The following PCID2 variants were observed in gnomAD, a reference collection of about 807,000 sequenced individuals.
PCID2 encodes PCI domain containing 2.
PCID2 carries 41 observed loss-of-function variants against 61.3 expected under a neutral mutation model. That is an observed-to-expected ratio of 0.67 (90% CI 0.52 to 0.87). The LOEUF is 0.87. Among genes scored for constraint, PCID2 ranks in the 40% least tolerant of loss-of-function variants. The pLI is 0.00. For synonymous variants in PCID2, 187 were observed against 177.8 expected, an observed-to-expected ratio of 1.05 and a Z score of -0.41; for missense variants, 392 against 493.4, an observed-to-expected ratio of 0.79 and a Z score of 1.95.
At chr13:113,197,290 C>G (rs2039088273) in intron 3 of PCID2, 47 bp from the exon 4 acceptor site, 2 of 1,351,020 alleles carry the variant, frequency 1.5e-6, no homozygotes, top group Non-Finnish European at 2.1e-6. Context: ...AAACCTAGCA[C>G]TAGTTATGCA....
intron 7 of PCID2, among the ~76,000 whole-genome samples, chr13:113,189,113 G>A (rs9549353): frequency 0.18 from 27,867 of 151,856 alleles, 3,033 homozygotes; most frequent in South Asian, 0.41. Context: ...TCCTGTGAGC[G>A]TTCCCAGACA....
intron 6 of PCID2, among the ~76,000 whole-genome samples, chr13:113,192,681 T>C (rs577369096): frequency 6.6e-6 from 1 of 152,280 alleles, no homozygotes; most frequent in African/African-American, 2.4e-5. Flanking sequence ...ATGAGGCCCC[T>C]GGAGATGTTA....
chr13:113,208,584 C>T lies in PCID2; in HGVS notation c.36+15G>A, dbSNP rs547326301. 48 of 1,607,336 alleles carry T rather than the reference C, an allele frequency of 3.0e-5. No homozygotes were observed. In the African/African-American group the frequency reaches 3.1e-4, roughly 10 times the overall value. On this transcript the variant is annotated intron_variant, in intron 1 of 13. Coordinates refer to ENST00000337344, the MANE Select transcript of PCID2 (RefSeq NM_001127202.4). ...GGCCAACCACGCCGCCGCGCGCTCC[C>T]CGGCTAGGACCCACCTGCTGCAGGT...
Position 113,195,042 on chromosome 13 carries a change from AAAT to A in PCID2, c.363+26_363+28del, listed in dbSNP as rs767289522. On this transcript the variant is annotated intron_variant, in intron 6 of 13. Coordinates refer to ENST00000337344, the MANE Select transcript of PCID2 (RefSeq NM_001127202.4). ...AGATAGTCACCAAGTTTTAGTTTTA[AAAT>A]AATAATGACAGCAAATTAAACTTAC... is the stretch of plus-strand genomic sequence containing the variant. The A allele has an allele frequency of 4.0e-6, 6 of 1,501,260 alleles. No individual in the cohort carries two copies. The South Asian group carries it at 4.5e-5, about 11-fold the overall frequency. The allele number at this position is 1,501,260 out of a possible 1,614,324, so 93.0% of individuals were successfully genotyped here. A position where few individuals can be genotyped will look rare whatever the true frequency, so the allele number is the denominator to read the frequency against.
chr13:113,206,388 T>G (rs568578621), intron 1 of PCID2, among the ~76,000 whole-genome samples: 1 of 152,292 alleles, frequency 6.6e-6, no homozygotes, highest in African/African-American at 2.4e-5. Flanking sequence ...AACCAGTACC[T>G]GCAGCAGGGC....
the PCID2 span, chr13:113,170,527 A>G: frequency 6.5e-7 from 1 of 1,532,936 alleles, no homozygotes; most frequent in Non-Finnish European, 9.0e-7. Context: ...TACTGTAAAA[A>G]CATGTAAGTA....
At chr13:113,196,439 C>T (rs991963015) in intron 4 of PCID2, among the ~76,000 whole-genome samples, 2 of 152,210 alleles carry the variant, frequency 1.3e-5, no homozygotes, top group African/African-American at 2.4e-5. Flanking sequence ...TTATTTCATA[C>T]ACACTGTCTC....
rs1044298627 is a variant in PCID2 at position 113,192,915 on chromosome 13, G to A, written c.364-1940C>T. Among the ~76,000 whole-genome samples the A allele has an allele frequency of 2.0e-5, 3 of 152,254 alleles. No homozygotes were observed. In the South Asian group the frequency reaches 6.2e-4, roughly 32 times the overall value. ...TCATGAAGGTGAAGCTGTCATGAAT[G>A]GGAAAGAGAGATCCCTTGCCCCATC... On this transcript the variant is annotated intron_variant, in intron 6 of 13. Transcript: ENST00000337344.
chr13:113,200,594 G>T, intron 1 of PCID2, 78 bp from the exon 2 acceptor site: 1 of 896,290 alleles, frequency 1.1e-6, no homozygotes, highest in Non-Finnish European at 1.8e-6. Context: ...TACACTGAAT[G>T]CCACACAGGG....
intron 6 of PCID2, among the ~76,000 whole-genome samples, chr13:113,194,728 G>C (rs967485541): frequency 6.6e-6 from 1 of 152,124 alleles, no homozygotes; most frequent in East Asian, 1.9e-4. Flanking sequence ...ATTCTTTTTG[G>C]TGGGGGAGCA....
chr13:113,171,957 T>G, the PCID2 span: 1 of 1,613,516 alleles, frequency 6.2e-7, no homozygotes, highest in Non-Finnish European at 8.5e-7. This position sits in a 1 kb window ranked among gnomAD's most constrained non-coding sequence, Gnocchi z 5.1. Context: ...ATGCACTGGA[T>G]GGATGGAAGT....
intron 1 of PCID2, among the ~76,000 whole-genome samples, chr13:113,204,595 C>T (rs757896947): frequency 2.0e-5 from 3 of 152,148 alleles, no homozygotes; most frequent in African/African-American, 4.8e-5. Flanking sequence ...CAGTGTCCCA[C>T]GGGTGACCTG....
chr13:113,176,369 C>T (rs574196472), downstream of PCID2, among the ~76,000 whole-genome samples: 1 of 13,024 alleles, frequency 7.7e-5, no homozygotes, highest in South Asian at 7.7e-3. Context: ...AAGTCCTAGC[C>T]CCAGTGTGAC....
intron 9 of PCID2, among the ~76,000 whole-genome samples, chr13:113,183,419 G>T (rs903773704): frequency 3.3e-5 from 5 of 151,762 alleles, no homozygotes; most frequent in African/African-American, 1.2e-4. Flanking sequence ...CTACCTTTAT[G>T]CTTCATATTA....
At chr13:113,196,395 T>C (rs1356914793) in intron 4 of PCID2, among the ~76,000 whole-genome samples, 173 bp from the exon 5 acceptor site, 1 of 152,254 alleles carries the variant, frequency 6.6e-6, no homozygotes, top group African/African-American at 2.4e-5. Context: ...TACAAATATC[T>C]GTATCTCATT....
the PCID2 span, among the ~76,000 whole-genome samples, chr13:113,171,428 T>C: frequency 1.3e-5 from 2 of 152,186 alleles, no homozygotes; most frequent in Non-Finnish European, 2.9e-5. This position sits in a 1 kb window ranked among gnomAD's most constrained non-coding sequence, Gnocchi z 5.1. Context: ...GTGAGTGGCC[T>C]TTCTGTCCGC....
In PCID2 at chr13:113,178,313, G is replaced by A. The variant is rs150788696; in HGVS notation, c.1111-26C>T. ...CTGCGGGGCAGAAAGGGAGGAATGCGTTTACATTTTTGGATCTGAGTCATG... is the reference window on the plus strand; with the variant it reads ...CTGCGGGGCAGAAAGGGAGGAATGCATTTACATTTTTGGATCTGAGTCATG... On this transcript the variant is annotated intron_variant, in intron 13 of 13. Coordinates refer to ENST00000337344, the MANE Select transcript of PCID2 (RefSeq NM_001127202.4). 1.5e-4 allele frequency: 229 copies of A among 1,572,404 alleles called. 3 individuals are homozygous for A. The highest frequency in any genetic ancestry group is 1.2e-3 in the Admixed American group (73 of 59,624).
intron 1 of PCID2, among the ~76,000 whole-genome samples, chr13:113,205,186 A>G (rs2039718777): frequency 6.6e-6 from 1 of 152,258 alleles, no homozygotes; most frequent in Admixed American, 6.5e-5. Context: ...ATTAAGGAGT[A>G]AAGTATCTAA....
chr13:113,189,900 G>GT (rs773295732), intron 7 of PCID2, among the ~76,000 whole-genome samples: 4 of 152,084 alleles, frequency 2.6e-5, no homozygotes, highest in Non-Finnish European at 5.9e-5. Context: ...GCATGCGCCT[G>GT]TAATCCCAGC....
Sources: allele counts gnomAD v4.1 joint callset (sites outside exome capture counted in the v4.1 genomes callset), GRCh38; gene constraint gnomAD v4.1.1; non-coding constraint Gnocchi (gnomAD v3.1); transcripts MANE v1.5; gene names NCBI Gene and HGNC (gene_info 2026-07-23, HGNC 2026-07-21).